The following OTUD7A variants were observed in gnomAD, a reference collection of about 807,000 sequenced individuals.
The protein encoded by OTUD7A is OTU deubiquitinase 7A, also known as OTU domain-containing protein 7A.
A neutral mutation model predicts 65.7 loss-of-function variants in OTUD7A; 12 were observed. That is an observed-to-expected ratio of 0.18 (90% CI 0.12 to 0.30). The LOEUF (loss-of-function observed/expected upper bound fraction) is 0.30. Ranked by LOEUF, OTUD7A falls within the 10% of genes least tolerant of loss-of-function variation. The probability of loss-of-function intolerance (pLI) is 1.00; values close to 1 mark genes in which losing one functional copy is unlikely to be tolerated. For missense variants in OTUD7A, 1,148 were observed against 1,304.8 expected (o/e 0.88, Z 1.85); for synonymous variants, 641 against 586.3 (o/e 1.09, Z -1.35).
At chr15:31,490,741 C>T (rs1410742506) in intron 10 of OTUD7A, among the ~76,000 whole-genome samples, 1 of 152,240 alleles carries the variant, frequency 6.6e-6, no homozygotes, top group Non-Finnish European at 1.5e-5. Context: ...CTCCTCTCCA[C>T]AGGACCTACC....
intron 8 of OTUD7A, among the ~76,000 whole-genome samples, chr15:31,513,779 G>A: frequency 6.6e-6 from 1 of 152,166 alleles, no homozygotes; most frequent in Non-Finnish European, 1.5e-5. Flanking sequence ...CCTTGCCCCT[G>A]CAGACTACTA....
chr15:31,829,927 G>A (rs574713886), intron 1 of OTUD7A, among the ~76,000 whole-genome samples: 3 of 152,296 alleles, frequency 2.0e-5, no homozygotes, highest in Admixed American at 6.5e-5. Context: ...CTCTGCTGCC[G>A]TGGTAGCCTC....
intron 3 of OTUD7A, among the ~76,000 whole-genome samples, chr15:31,633,115 C>T (rs1346699125): frequency 3.3e-5 from 5 of 152,210 alleles, no homozygotes; most frequent in East Asian, 3.9e-4. Context: ...ACGCACAGTG[C>T]GCTGCACCCA....
chr15:31,526,283 CT>C, intron 8 of OTUD7A, 65 bp downstream of exon 8: 1 of 1,412,400 alleles, frequency 7.1e-7, no homozygotes, highest in South Asian at 1.4e-5. Flanking sequence ...TCCCCCCATG[CT>C]GTGTGTAGCC....
intron 10 of OTUD7A, among the ~76,000 whole-genome samples, chr15:31,496,958 T>C (rs1465040093): frequency 6.6e-6 from 1 of 152,148 alleles, no homozygotes. Flanking sequence ...CTGTTCCCAA[T>C]AAAGGGATGG....
chr15:31,564,871 C>A (rs1043644716), intron 4 of OTUD7A, among the ~76,000 whole-genome samples: 1 of 152,034 alleles, frequency 6.6e-6, no homozygotes, highest in African/African-American at 2.4e-5. Flanking sequence ...TATGAACCAA[C>A]AGAAAGCCAG....
intron 2 of OTUD7A, among the ~76,000 whole-genome samples, chr15:31,656,231 G>A (rs987956050): frequency 2.6e-5 from 4 of 152,232 alleles, no homozygotes; most frequent in African/African-American, 9.6e-5. Flanking sequence ...GACATTACAA[G>A]TGAGAGTAAC....
At chr15:31,758,944 G>A (rs1894887324) in intron 1 of OTUD7A, among the ~76,000 whole-genome samples, 2 of 152,194 alleles carry the variant, frequency 1.3e-5, no homozygotes, top group Non-Finnish European at 2.9e-5. Flanking sequence ...TCTAGGCATT[G>A]AAGTGTTTTT....
At chr15:31,694,999 C>T (rs551628148) in intron 1 of OTUD7A, among the ~76,000 whole-genome samples, 30 of 152,210 alleles carry the variant, frequency 2.0e-4, no homozygotes, top group African/African-American at 6.0e-4. Context: ...GCACCCACCA[C>T]CACGCCTGGC....
At chr15:31,664,378 G>A (rs191765544) in intron 1 of OTUD7A, among the ~76,000 whole-genome samples, 6 of 151,640 alleles carry the variant, frequency 4.0e-5, no homozygotes, top group Admixed American at 2.6e-4. Flanking sequence ...GAGTAAGGTG[G>A]TATTACATTG....
At chr15:31,777,940 G>C (rs986619033) in intron 1 of OTUD7A, among the ~76,000 whole-genome samples, 3 of 152,192 alleles carry the variant, frequency 2.0e-5, no homozygotes, top group Non-Finnish European at 4.4e-5. Flanking sequence ...TGAGCACAGC[G>C]GGTGACACAG....
intron 1 of OTUD7A, among the ~76,000 whole-genome samples, chr15:31,717,827 C>T (rs1418660672): frequency 6.6e-6 from 1 of 152,196 alleles, no homozygotes; most frequent in African/African-American, 2.4e-5. Context: ...CTGTCTTCCA[C>T]AATGGTTGAA....
chr15:31,753,721 T>TATATATATATATTATATATATATATTA (rs879561188), intron 1 of OTUD7A, among the ~76,000 whole-genome samples: 4 of 106,776 alleles, frequency 3.7e-5, no homozygotes, highest in Admixed American at 9.2e-5. Flanking sequence ...TATATATATA[T>TATATATATATATTATATATATATATTA]TATATATATA....
intron 5 of OTUD7A, among the ~76,000 whole-genome samples, chr15:31,533,199 T>C (rs1459757165): frequency 1.3e-5 from 2 of 152,034 alleles, no homozygotes; most frequent in African/African-American, 2.4e-5. Flanking sequence ...GCATTTCTCA[T>C]TGGCTACCGT....
At chr15:31,776,953 A>T (rs978739673) in intron 1 of OTUD7A, among the ~76,000 whole-genome samples, 7 of 152,224 alleles carry the variant, frequency 4.6e-5, no homozygotes, top group South Asian at 2.1e-4. Context: ...AATAATAATA[A>T]AAAAATGCTA....
rs1159214253 is a variant in OTUD7A, at chr15:31,646,891, G to A, written c.151+8205C>T. On this transcript the variant is annotated intron_variant, in intron 3 of 12. Coordinates refer to ENST00000307050, the MANE Select transcript of OTUD7A (RefSeq NM_001382637.1). ...AATAAGATCTACTTAATTGATCAGC[G>A]TGACACAAGGAAACTCACTGCAAAT... is the stretch of plus-strand genomic sequence containing the variant. Among the ~76,000 whole-genome samples the A allele has an allele frequency of 7.2e-5, 11 of 152,240 alleles. No homozygotes were observed. In the East Asian group the frequency reaches 7.7e-4, roughly 11 times the overall value.
intron 3 of OTUD7A, among the ~76,000 whole-genome samples, chr15:31,570,968 C>T (rs999726286): frequency 2.6e-5 from 4 of 152,108 alleles, no homozygotes; most frequent in African/African-American, 9.7e-5. Flanking sequence ...TCCTATAGCA[C>T]GATTGGGCAA....
At chr15:31,626,884 T>G (rs961966142) in intron 3 of OTUD7A, among the ~76,000 whole-genome samples, 3 of 55,092 alleles carry the variant, frequency 5.4e-5, no homozygotes, top group East Asian at 2.2e-3. Context: ...CCTATATTTG[T>G]TTTTTTTTTG....
chr15:31,531,520 CA>C (rs60332452), intron 5 of OTUD7A, among the ~76,000 whole-genome samples: 9,541 of 79,918 alleles, frequency 0.12, 239 homozygotes, highest in African/African-American at 0.19. Flanking sequence ...GAGTAGGCCA[CA>C]AAAAAAAAAA....
Sources: allele counts gnomAD v4.1 joint callset (sites outside exome capture counted in the v4.1 genomes callset), GRCh38; gene constraint gnomAD v4.1.1; transcripts MANE v1.5; gene names NCBI Gene and HGNC (gene_info 2026-07-23, HGNC 2026-07-21).